Variants in GUCY2F observed in about 807,000 individuals in gnomAD.
GUCY2F encodes guanylate cyclase 2F, retinal, also known as retinal guanylyl cyclase 2.
Under a neutral mutation model 73.1 loss-of-function variants are expected in GUCY2F, and 61 were observed. That is an observed-to-expected ratio of 0.83 (90% CI 0.68 to 1.03). The LOEUF is 1.03. Ranked by LOEUF, GUCY2F falls within the 50% of genes least tolerant of loss-of-function variation. GUCY2F has a pLI of 0.00. For synonymous variants in GUCY2F, 331 were observed against 307.8 expected (o/e 1.08, Z -0.79); for missense variants, 912 against 854.3 (o/e 1.07, Z -0.84).
intron 17 of GUCY2F, among the ~76,000 whole-genome samples, chrX:109,381,024 G>C: frequency 8.9e-6 from 1 of 111,978 alleles, no homozygotes; most frequent in Admixed American, 9.5e-5. Context: ...GGTGGGAAAG[G>C]AGCCTCTGTC....
chrX:109,375,422 A>G lies in GUCY2F; in HGVS notation c.*1+476T>C, dbSNP rs145581471. 1.9e-3 allele frequency among the ~76,000 whole-genome samples: 214 copies of G among 111,462 alleles called. 6 individuals carry two copies. In the East Asian group the frequency reaches 0.052, roughly 27 times the overall value. On this transcript the variant is annotated intron_variant, in intron 19 of 19. Transcript: ENST00000218006. ...TGGTTGGCAAAATTGATCCTTTGAA[A>G]GGGATCAGGCAGTGCCTCCGGAGGA...
intron 8 of GUCY2F, among the ~76,000 whole-genome samples, chrX:109,410,695 T>C (rs775753218): frequency 9.9e-5 from 11 of 111,660 alleles, no homozygotes; most frequent in Non-Finnish European, 1.9e-4. Flanking sequence ...TTCTGAAAAA[T>C]GGGGGCATGG....
rs1932671259 is a variant in GUCY2F, at chrX:109,475,513, A to G, written c.424T>C (p.Trp142Arg). 1 of 1,209,145 alleles carries G rather than the reference A, an allele frequency of 8.3e-7. No individual in the cohort carries two copies. The change falls in exon 2 of 20, where the codon TGG (tryptophan) becomes CGG (arginine). Residue 142 changes from tryptophan to arginine, a missense_variant. By Grantham distance (101) the Trp-to-Arg change is moderately radical (BLOSUM62 -3). Transcript: ENST00000218006. ...CEAASLLGNS[W>R]DKGIFSWACV... ...GCCCAAGAGAAAATTCCTTTGTCCC[A>G]GCTGTTTCCCAGGAGCGAGGCTGCC...
chrX:109,384,807 G>A (rs1163727497), intron 16 of GUCY2F, among the ~76,000 whole-genome samples: 1 of 111,412 alleles, frequency 9.0e-6, no homozygotes, highest in Non-Finnish European at 1.9e-5. Context: ...TTGAAAAATG[G>A]AAAATATTAG....
At chrX:109,399,022 G>A (rs985677323) in intron 10 of GUCY2F, among the ~76,000 whole-genome samples, 4 of 112,003 alleles carry the variant, frequency 3.6e-5, no homozygotes, top group African/African-American at 1.3e-4. Context: ...AGGTTTCCAG[G>A]GAAAGGCAAG....
chrX:109,470,399 AG>A (rs1195400286), intron 2 of GUCY2F, among the ~76,000 whole-genome samples: 1 of 111,916 alleles, frequency 8.9e-6, no homozygotes, highest in Admixed American at 9.5e-5. Context: ...ATTGATGCTA[AG>A]GCTCCTAGTC....
At chrX:109,470,520 A>G (rs1932552923) in intron 2 of GUCY2F, among the ~76,000 whole-genome samples, 1 of 111,633 alleles carries the variant, frequency 9.0e-6, no homozygotes, top group African/African-American at 3.3e-5. Context: ...GTTAAGAAAG[A>G]AAGGTGGAAG....
chrX:109,455,462 C>T (rs1240871441), intron 3 of GUCY2F, among the ~76,000 whole-genome samples: 1 of 111,689 alleles, frequency 9.0e-6, no homozygotes, highest in Non-Finnish European at 1.9e-5. Flanking sequence ...CCTACCTGAG[C>T]ATAAAATAAG....
chrX:109,411,570 C>G lies in GUCY2F; in HGVS notation c.1792-2402G>C, dbSNP rs749738953. On this transcript the variant is annotated intron_variant, in intron 8 of 19. Coordinates refer to ENST00000218006, the MANE Select transcript of GUCY2F (RefSeq NM_001522.3). ...ATAATTTGAACAAGAATTTCCATCT[C>G]AGGCTCAGATTTTGGGGAATCTGAC... is the stretch of plus-strand genomic sequence containing the variant. Among the ~76,000 whole-genome samples, 339 of 112,114 alleles carry G rather than the reference C, an allele frequency of 3.0e-3. 3 individuals are homozygous for G. The highest frequency in any genetic ancestry group is 4.7e-3 in the Non-Finnish European group (252 of 53,270).
chrX:109,435,839 G>C (rs1276643485), intron 7 of GUCY2F, among the ~76,000 whole-genome samples: 8 of 111,299 alleles, frequency 7.2e-5, no homozygotes, highest in South Asian at 7.6e-4. Flanking sequence ...TAGCATGAAG[G>C]GTTGTTGAAT....
At chrX:109,409,311 C>A in intron 8 of GUCY2F, 143 bp from the exon 9 acceptor site, 2 of 418,399 alleles carry the variant, frequency 4.8e-6, no homozygotes, top group Admixed American at 8.3e-5. Context: ...TGATCTCCAA[C>A]CCCTAGTGTT....
chrX:109,411,935 G>C (rs780738496), intron 8 of GUCY2F, among the ~76,000 whole-genome samples: 1 of 112,001 alleles, frequency 8.9e-6, no homozygotes, highest in East Asian at 2.8e-4. Flanking sequence ...GTAGAGAAAA[G>C]CCTATTTAAA....
chrX:109,435,049 G>A (rs1047490781), intron 7 of GUCY2F, among the ~76,000 whole-genome samples: 7 of 110,946 alleles, frequency 6.3e-5, no homozygotes, highest in African/African-American at 2.0e-4. Flanking sequence ...ATAGTTTGAA[G>A]TCAGGTAGTG....
In GUCY2F at chrX:109,388,642, A is replaced by T; in HGVS notation, c.2803T>A (p.Tyr935Asn). The change falls in exon 15 of 20, where the codon TAC becomes AAC. Residue 935 changes from tyrosine to asparagine, a missense_variant. Physicochemically the swap from Tyr to Asn is moderately radical, Grantham distance 143. Coordinates refer to ENST00000218006, the MANE Select transcript of GUCY2F (RefSeq NM_001522.3). ...TTTGGGAGGCCTGAAGCCACCATGT[A>T]GGCATCTCCAATGGTCTCTACCTGG... ...VYKVETIGDA[Y>N]MVASGLPKRN... The T allele has an allele frequency of 8.4e-7, 1 of 1,190,360 alleles. No individual in the cohort carries two copies. Among genetic ancestry groups the T allele is most frequent in the Non-Finnish European group, 1.1e-6 (1 of 876,832 alleles).
At chrX:109,398,508 C>T (rs368561962) in intron 11 of GUCY2F, 41 bp downstream of exon 11, 308 of 1,157,249 alleles carry the variant, frequency 2.7e-4, no homozygotes, top group Non-Finnish European at 3.0e-4. Flanking sequence ...TGATCTCGGT[C>T]ATGGTGGACC....
At chrX:109,398,526 C>T (rs754408185) in intron 11 of GUCY2F, 23 bp downstream of exon 11, 3 of 1,190,667 alleles carry the variant, frequency 2.5e-6, no homozygotes, top group East Asian at 3.0e-5. Flanking sequence ...ACCCCTGGGG[C>T]CCTTTTCTCA....
In GUCY2F at chrX:109,475,395, T is replaced by G; in HGVS notation, c.542A>C (p.Lys181Thr). The G allele has an allele frequency of 8.3e-7, 1 of 1,210,461 alleles. No individual in the cohort carries two copies. Among genetic ancestry groups the G allele is most frequent in the Non-Finnish European group, 1.1e-6 (1 of 894,365 alleles). ...TCCAGCATGAGCCCACTGGAAATAT[T>G]TCATGACAGTTACAAGCACCCGGAT... ...SPIRVLVTVM[K>T]YFQWAHAGVI... Residue 181 changes from lysine to threonine, a missense_variant, in exon 2 of 20, where the codon AAA becomes ACA. Coordinates refer to ENST00000218006, the MANE Select transcript of GUCY2F (RefSeq NM_001522.3).
At chrX:109,378,657 C>T (rs780711380) in intron 17 of GUCY2F, among the ~76,000 whole-genome samples, 11 of 111,169 alleles carry the variant, frequency 9.9e-5, no homozygotes, top group African/African-American at 3.3e-4. Flanking sequence ...TGTGTGTATG[C>T]TGGGGTTGGG....
intron 8 of GUCY2F, among the ~76,000 whole-genome samples, chrX:109,420,267 G>A (rs1329608047): frequency 1.0e-5 from 1 of 98,382 alleles, no homozygotes; most frequent in Non-Finnish European, 2.1e-5. Context: ...GAGGGGGAGG[G>A]ATGGAGGGAG....
Sources: allele counts gnomAD v4.1 joint callset (sites outside exome capture counted in the v4.1 genomes callset), GRCh38; gene constraint gnomAD v4.1.1; transcripts MANE v1.5; gene names NCBI Gene and HGNC (gene_info 2026-07-23, HGNC 2026-07-21).